Variants in KCNU1 observed in about 807,000 individuals in gnomAD.
The protein encoded by KCNU1 is potassium channel subfamily U member 1.
A neutral mutation model predicts 126.8 loss-of-function variants in KCNU1; 93 were observed. The ratio of observed to expected loss-of-function variants is 0.73; its 90% CI spans 0.62 to 0.87. The LOEUF is 0.87. Among genes scored for constraint, KCNU1 ranks in the 40% least tolerant of loss-of-function variants. The probability of loss-of-function intolerance (pLI) is 0.00; values close to 1 mark genes in which losing one functional copy is unlikely to be tolerated. For synonymous variants in KCNU1, 523 were observed against 494.2 expected, an observed-to-expected ratio of 1.06 and a Z score of -0.77; for missense variants, 1,330 against 1,367.1, an observed-to-expected ratio of 0.97 and a Z score of 0.43.
intron 22 of KCNU1, among the ~76,000 whole-genome samples, chr8:36,918,204 G>C (rs1468732378): frequency 6.6e-6 from 1 of 152,096 alleles, no homozygotes; most frequent in Non-Finnish European, 1.5e-5. Context: ...CAACTACTGG[G>C]AGAGCTTTGC....
At position 36,814,238 on chromosome 8, in the gene KCNU1, G is replaced by T. The variant is rs754752591; in HGVS notation, c.764G>T (p.Gly255Val). Reference sequence around the variant, plus strand: ...AATTCTGGTGATCCCTGGCTCAAAGGTAGAAATTCACAGAATATATCATAT... The same window carrying T: ...AATTCTGGTGATCCCTGGCTCAAAGTTAGAAATTCACAGAATATATCATAT... Reference protein sequence around the residue: ...VENSGDPWLKGRNSQNISYFE... With the variant: ...VENSGDPWLKVRNSQNISYFE... Residue 255 changes from glycine (G) to valine (V), a missense_variant, in exon 8 of 27, where the codon GGT (glycine) becomes GTT (valine). By Grantham distance (109) the Gly-to-Val change is moderately radical. This residue lies in a region of KCNU1 where 29 missense variants were observed against 57.8 expected (regional missense o/e 0.50). Transcript: ENST00000399881. The T allele has an allele frequency of 3.1e-6, 5 of 1,613,284 alleles. No homozygotes were observed. Among genetic ancestry groups the T allele is most frequent in the Non-Finnish European group, 3.4e-6 (4 of 1,179,500 alleles).
chr8:36,833,329 T>C lies in KCNU1; in HGVS notation c.1107-225T>C, dbSNP rs554782238. On this transcript the variant is annotated intron_variant, in intron 10 of 26. Transcript: ENST00000399881. ...CCATTTTATTAAATGCATAGTTGAT[T>C]TAAAATGTTATGCCTGTTTCAGTAA... 1.4e-3 allele frequency among the ~76,000 whole-genome samples: 211 copies of C among 152,296 alleles called. 1 individual carries two copies. Among genetic ancestry groups the C allele is most frequent in the Admixed American group, 7.2e-4 (11 of 15,284 alleles).
chr8:36,888,909 C>T (rs751838499), intron 19 of KCNU1: 24 of 407,288 alleles, frequency 5.9e-5, no homozygotes, highest in Non-Finnish European at 4.5e-5. Context: ...GATAGGGTCT[C>T]GCTCTGTCAC....
At chr8:36,841,719 A>C (rs1396212867) in intron 16 of KCNU1, among the ~76,000 whole-genome samples, 1 of 152,138 alleles carries the variant, frequency 6.6e-6, no homozygotes, top group Non-Finnish European at 1.5e-5. Context: ...TAAAAAAAGT[A>C]CAGGACAAAC....
rs1292350550 is a variant in KCNU1 at position 36,911,105 on chromosome 8, C to T, written c.2507C>T (p.Ser836Leu). The T allele has an allele frequency of 6.2e-7, 1 of 1,612,832 alleles. No homozygotes were observed. Among genetic ancestry groups the T allele is most frequent in the Admixed American group, 1.7e-5 (1 of 59,978 alleles). The change falls in exon 22 of 27, where the codon TCA (serine) becomes TTA (leucine). Residue 836 changes from serine to leucine, a missense_variant. Physicochemically the swap from Ser to Leu is moderately radical, Grantham distance 145. This residue lies in a region of KCNU1 where 1,054 missense variants were observed against 1,053.9 expected (regional missense o/e 1.00). Transcript: ENST00000399881. ...CAAATTGACTCCTCCTCTGACCCGT[C>T]ACCCTCAGTGTCAGGTGAGAACAGC... ...SLQIDSSSDP[S>L]PSVSEETPGY...
At chr8:36,841,741 G>A (rs1804964731) in intron 16 of KCNU1, among the ~76,000 whole-genome samples, 1 of 152,046 alleles carries the variant, frequency 6.6e-6, no homozygotes, top group East Asian at 1.9e-4. Context: ...ATGGCAAAAT[G>A]GGAATCTGAC....
At chr8:36,868,342 C>A (rs1805984225) in intron 19 of KCNU1, among the ~76,000 whole-genome samples, 1 of 152,026 alleles carries the variant, frequency 6.6e-6, no homozygotes, top group South Asian at 2.1e-4. Context: ...GTAAAATAAA[C>A]TGGATGGCTT....
At chr8:36,789,206 G>A (rs1233026993) in intron 2 of KCNU1, among the ~76,000 whole-genome samples, 3 of 152,042 alleles carry the variant, frequency 2.0e-5, no homozygotes, top group Admixed American at 6.5e-5. Context: ...TAATTTAAAA[G>A]TTAACTCAGC....
intron 19 of KCNU1, among the ~76,000 whole-genome samples, chr8:36,900,758 G>C (rs1807384805): frequency 6.6e-6 from 1 of 151,952 alleles, no homozygotes; most frequent in Non-Finnish European, 1.5e-5. Context: ...TTTTTTTCTT[G>C]ATTTTTGGCT....
intron 14 of KCNU1, among the ~76,000 whole-genome samples, chr8:36,838,009 G>A (rs577274991): frequency 1.3e-5 from 2 of 152,244 alleles, no homozygotes; most frequent in African/African-American, 4.8e-5. Flanking sequence ...GAGGTGCTCT[G>A]GCCAGCTATA....
chr8:36,848,688 C>T (rs1805236669), intron 18 of KCNU1, among the ~76,000 whole-genome samples: 1 of 152,160 alleles, frequency 6.6e-6, no homozygotes, highest in South Asian at 2.1e-4. Flanking sequence ...TTTCTCCCCG[C>T]GTACAGACAC....
At position 36,871,580 on chromosome 8, in the gene KCNU1, G is replaced by A. The variant is rs190582117; in HGVS notation, c.2009+7059G>A. Among the ~76,000 whole-genome samples, 21 of 152,188 alleles carry A rather than the reference G, an allele frequency of 1.4e-4. No individual in the cohort carries two copies. In the East Asian group the frequency reaches 2.1e-3, roughly 15 times the overall value. The stretch of plus-strand genomic sequence containing the variant: ...CATAGAAAAGTCAGCATCTCTCTTC[G>A]TTACTGTCATCTCCCTCATCCTGCC... On this transcript the variant is annotated intron_variant, in intron 19 of 26. Transcript: ENST00000399881.
chr8:36,874,367 GT>G (rs1187973416), intron 19 of KCNU1, among the ~76,000 whole-genome samples: 1 of 152,080 alleles, frequency 6.6e-6, no homozygotes, highest in Non-Finnish European at 1.5e-5. Context: ...ATAGAATTCT[GT>G]GGGGGCAGTC....
intron 1 of KCNU1, 87 bp from the exon 2 acceptor site, chr8:36,787,219 T>C: frequency 8.1e-7 from 1 of 1,241,664 alleles, no homozygotes; most frequent in Non-Finnish European, 1.1e-6. Flanking sequence ...ACTGATACCA[T>C]CACAAGAGGC....
At chr8:36,931,382 T>G (rs1808698980) in intron 25 of KCNU1, among the ~76,000 whole-genome samples, 1 of 152,168 alleles carries the variant, frequency 6.6e-6, no homozygotes, top group African/African-American at 2.4e-5. Context: ...GAAGTTGTTA[T>G]TATCCCCATC....
At chr8:36,861,101 C>A (rs13252968) in intron 18 of KCNU1, among the ~76,000 whole-genome samples, 57,005 of 151,888 alleles carry the variant, frequency 0.38, 11,002 homozygotes, top group Admixed American at 0.43. Context: ...CAGAAGTCCC[C>A]TGGTCTTAGG....
At chr8:36,870,986 C>T (rs1316643577) in intron 19 of KCNU1, among the ~76,000 whole-genome samples, 1 of 152,146 alleles carries the variant, frequency 6.6e-6, no homozygotes. Context: ...TGCTTTCTCT[C>T]ATTTTAATTG....
chr8:36,795,700 ACTGGACCACTGGAT>A (rs1201038550), intron 2 of KCNU1: 1 of 152,260 alleles, frequency 6.6e-6, no homozygotes, highest in African/African-American at 2.4e-5. Flanking sequence ...TGATGAATTC[ACTGGACCACTGGAT>A]CTTCCAACAC....
At chr8:36,825,996 G>A (rs746341821) in intron 10 of KCNU1, among the ~76,000 whole-genome samples, 26 of 151,744 alleles carry the variant, frequency 1.7e-4, no homozygotes, top group Non-Finnish European at 3.4e-4. Flanking sequence ...ATGTGTATAG[G>A]TTTGAATTTC....
Sources: gnomAD v4.1 joint callset for allele counts (sites outside exome capture counted in the v4.1 genomes callset) on GRCh38, gnomAD v4.1.1 for gene constraint, gnomAD v4.1.1 regional missense constraint, MANE v1.5 for transcripts, NCBI Gene and HGNC (gene_info 2026-07-23, HGNC 2026-07-21) for gene names.